Variants in EFTUD2 observed in about 807,000 individuals in gnomAD.
EFTUD2 encodes 116 kDa U5 small nuclear ribonucleoprotein component.
EFTUD2 carries 9 observed loss-of-function variants against 114.3 expected under a neutral mutation model. The observed-to-expected ratio is 0.08, with a 90% confidence interval of 0.05 to 0.14. EFTUD2 has a LOEUF of 0.14. EFTUD2 is among the 10% of genes least tolerant of loss of function. The probability of loss-of-function intolerance (pLI) is 1.00; values close to 1 mark genes in which losing one functional copy is unlikely to be tolerated. For synonymous variants in EFTUD2, 449 were observed against 462.3 expected (o/e 0.97, Z 0.37); for missense variants, 765 against 1,241.2 (o/e 0.62, Z 5.76).
chr17:44,887,023 C>T (rs556211736), intron 2 of EFTUD2, among the ~76,000 whole-genome samples: 27 of 152,304 alleles, frequency 1.8e-4, no homozygotes, highest in Non-Finnish European at 3.1e-4. Flanking sequence ...AAACAAATCA[C>T]AGCACAGCCC....
intron 1 of EFTUD2, among the ~76,000 whole-genome samples, chr17:44,895,045 G>A (rs2051353146): frequency 1.3e-5 from 2 of 152,254 alleles, no homozygotes; most frequent in South Asian, 2.1e-4. Flanking sequence ...TCTGGCCTGT[G>A]GCCAAATCTG....
Position 44,851,170 on chromosome 17 carries a change from G to T in EFTUD2, c.*104C>A. ...TTCAAGATGGCAACAGCAGCTTCCAGACACTCTCTGACAACACGAAGGCCA... is the reference window on the plus strand; with the variant it reads ...TTCAAGATGGCAACAGCAGCTTCCATACACTCTCTGACAACACGAAGGCCA... On this transcript the variant is annotated 3_prime_UTR_variant, in exon 28 of 28. Transcript: ENST00000426333. 1.1e-6 allele frequency: 1 copy of T among 916,658 alleles called. No individual in the cohort carries two copies. Among genetic ancestry groups the T allele is most frequent in the Non-Finnish European group, 1.8e-6 (1 of 563,142 alleles). The allele number at this position is 916,658 out of a possible 1,614,324, so 56.8% of individuals were successfully genotyped here. A position where few individuals can be genotyped will look rare whatever the true frequency, so the allele number is the denominator to read the frequency against.
In EFTUD2 at chr17:44,889,458, T is replaced by C. The variant is rs140492051; in HGVS notation, c.106-2708A>G. Among the ~76,000 whole-genome samples the C allele has an allele frequency of 1.4e-4, 22 of 152,264 alleles. No homozygotes were observed. In the East Asian group the frequency reaches 4.2e-3, roughly 29 times the overall value. On this transcript the variant is annotated intron_variant, in intron 2 of 27. Coordinates refer to ENST00000426333, the MANE Select transcript of EFTUD2 (RefSeq NM_004247.4). ...TTTTATCTGTGTATGCTGATGGGGA[T>C]GATCCTGTAGACAGGGAAAACTGAT...
intron 19 of EFTUD2, among the ~76,000 whole-genome samples, chr17:44,858,529 G>T: frequency 6.6e-6 from 1 of 152,312 alleles, no homozygotes; most frequent in East Asian, 1.9e-4. Context: ...CACAATCACA[G>T]TTCATTGCAG....
At chr17:44,893,333 G>A (rs1192590426) in intron 2 of EFTUD2, among the ~76,000 whole-genome samples, 3 of 152,160 alleles carry the variant, frequency 2.0e-5, no homozygotes, top group African/African-American at 7.2e-5. Context: ...GTATTGGTCA[G>A]GTTAGTCTTG....
intron 10 of EFTUD2, among the ~76,000 whole-genome samples, chr17:44,874,581 T>C (rs1276433308): frequency 6.6e-6 from 1 of 152,168 alleles, no homozygotes; most frequent in Non-Finnish European, 1.5e-5. Context: ...GACGGCCTCC[T>C]CACAGGCCCA....
intron 16 of EFTUD2, 51 bp from the exon 17 acceptor site, chr17:44,860,594 AAT>A: frequency 5.0e-6 from 5 of 1,006,992 alleles, no homozygotes; most frequent in Admixed American, 4.8e-5. Context: ...AGCATTCCCT[AAT>A]TTTTTTTTTT....
In EFTUD2 at chr17:44,876,855, C is replaced by CAAAAAAAA. The variant is rs58892812; in HGVS notation, c.703-763_703-756dup. ...TGGGCGACAGAGTGAGACTCCGTCT[C>CAAAAAAAA]AAAAAAAAAAAAAAAAAAAAAAAAA... On this transcript the variant is annotated intron_variant, in intron 9 of 27. Coordinates refer to ENST00000426333, the MANE Select transcript of EFTUD2 (RefSeq NM_004247.4). Among the ~76,000 whole-genome samples, 35 of 48,224 alleles carry CAAAAAAAA rather than the reference C, an allele frequency of 7.3e-4. 2 individuals are homozygous for CAAAAAAAA. Among genetic ancestry groups the CAAAAAAAA allele is most frequent in the East Asian group, 1.3e-3 (1 of 772 alleles). The allele number at this position is 48,224 out of a possible 152,430, so 31.6% of individuals were successfully genotyped here.
chr17:44,861,444 A>G (rs2050658309), intron 16 of EFTUD2, among the ~76,000 whole-genome samples: 1 of 151,020 alleles, frequency 6.6e-6, no homozygotes, highest in Non-Finnish European at 1.5e-5. Flanking sequence ...AAAAAAAAAA[A>G]AAAAAAAGGC....
intron 8 of EFTUD2, among the ~76,000 whole-genome samples, chr17:44,880,113 TTTTTAA>T (rs993764649): frequency 6.6e-6 from 1 of 152,038 alleles, no homozygotes; most frequent in Non-Finnish European, 1.5e-5. Flanking sequence ...AACCTTCCAG[TTTTTAA>T]AAACTCTGCC....
intron 1 of EFTUD2, among the ~76,000 whole-genome samples, chr17:44,896,256 C>G (rs2051382750): frequency 3.3e-5 from 5 of 152,312 alleles, no homozygotes; most frequent in Middle Eastern, 3.4e-3. Flanking sequence ...AGTTCAAATG[C>G]CACCACCTCC....
chr17:44,884,264 C>T (rs2051124935), intron 4 of EFTUD2: 1 of 152,118 alleles, frequency 6.6e-6, no homozygotes, highest in African/African-American at 2.4e-5. Context: ...CTCAGGTGAT[C>T]CACCTGCCCT....
chr17:44,869,638 T>C (rs2050811520), intron 11 of EFTUD2, among the ~76,000 whole-genome samples: 1 of 152,136 alleles, frequency 6.6e-6, no homozygotes, highest in Non-Finnish European at 1.5e-5. Context: ...ATTCCACTGT[T>C]ACCTGAACAG....
chr17:44,854,895 T>G lies in EFTUD2; in HGVS notation c.2132+23A>C, dbSNP rs2050520336. On this transcript the variant is annotated intron_variant, in intron 21 of 27. Coordinates refer to ENST00000426333, the MANE Select transcript of EFTUD2 (RefSeq NM_004247.4). The surrounding 1 kb of genome is among the most constrained non-coding windows in gnomAD (Gnocchi z 4.3). ...TGGCATCCCTGCCTCCTTTCGACCCTGGCGTCAGAGCCCTGTTCTCACCTG... is the reference window on the plus strand; with the variant it reads ...TGGCATCCCTGCCTCCTTTCGACCCGGGCGTCAGAGCCCTGTTCTCACCTG... 6.2e-7 allele frequency: 1 copy of G among 1,611,688 alleles called. No individual in the cohort carries two copies. Among genetic ancestry groups the G allele is most frequent in the South Asian group, 1.1e-5 (1 of 91,030 alleles).
At chr17:44,871,378 C>A (rs1280944670) in intron 11 of EFTUD2, among the ~76,000 whole-genome samples, 2 of 146,644 alleles carry the variant, frequency 1.4e-5, no homozygotes, top group African/African-American at 5.1e-5. Flanking sequence ...CTTGCTCTGT[C>A]GCCCAGGCTG....
At chr17:44,859,531 A>G (rs1350338257) in intron 18 of EFTUD2, 1 of 502,342 alleles carries the variant, frequency 2.0e-6, no homozygotes, top group African/African-American at 1.9e-5. Flanking sequence ...GTGTACAAGG[A>G]TCAGAGTAAC....
intron 13 of EFTUD2, among the ~76,000 whole-genome samples, chr17:44,866,144 C>G (rs2050742959): frequency 6.6e-6 from 1 of 152,258 alleles, no homozygotes; most frequent in South Asian, 2.1e-4. Flanking sequence ...ATTCCACATG[C>G]TTAATTAAAT....
chr17:44,856,210 C>T (rs1377121848), intron 20 of EFTUD2, among the ~76,000 whole-genome samples: 1 of 145,664 alleles, frequency 6.9e-6, no homozygotes, highest in Middle Eastern at 3.4e-3. Context: ...ATCTTTCTTT[C>T]ATTTCAATCT....
At chr17:44,875,300 G>A (rs2050926226) in intron 10 of EFTUD2, among the ~76,000 whole-genome samples, 1 of 152,202 alleles carries the variant, frequency 6.6e-6, no homozygotes, top group Admixed American at 6.5e-5. Flanking sequence ...GGAGGCCGAG[G>A]TGGGCGGATC....
Sources: gnomAD v4.1 joint callset for allele counts (sites outside exome capture counted in the v4.1 genomes callset) on GRCh38, gnomAD v4.1.1 for gene constraint, Gnocchi (gnomAD v3.1) non-coding constraint, MANE v1.5 for transcripts, NCBI Gene and HGNC (gene_info 2026-07-23, HGNC 2026-07-21) for gene names.